The following SLC14A2 variants were observed in gnomAD, a reference collection of about 807,000 sequenced individuals.
The protein encoded by SLC14A2 is urea transporter 2.
SLC14A2 carries 91 observed loss-of-function variants against 104.6 expected under a neutral mutation model. The observed-to-expected ratio is 0.87, with a 90% CI of 0.73 to 1.04. The LOEUF (loss-of-function observed/expected upper bound fraction) is 1.04, where lower values mean the gene tolerates loss of function less well. SLC14A2 is among the 50% of genes least tolerant of loss of function. The pLI is 0.00. For missense variants in SLC14A2, 1,189 were observed against 1,156.0 expected, an observed-to-expected ratio of 1.03 and a Z score of -0.41; for synonymous variants, 476 against 466.4, an observed-to-expected ratio of 1.02 and a Z score of -0.27.
intron 2 of SLC14A2, among the ~76,000 whole-genome samples, chr18:45,494,123 A>G (rs2043049718): frequency 6.6e-6 from 1 of 152,188 alleles, no homozygotes; most frequent in Non-Finnish European, 1.5e-5. Flanking sequence ...GTGGCGGTAT[A>G]GGAAGGGTGA....
intron 1 of SLC14A2, among the ~76,000 whole-genome samples, chr18:45,428,467 G>A (rs2086466580): frequency 6.6e-6 from 1 of 152,152 alleles, no homozygotes; most frequent in South Asian, 2.1e-4. Context: ...AAGTGTGGAG[G>A]AGAGAGGGTG....
intron 1 of SLC14A2, among the ~76,000 whole-genome samples, chr18:45,256,386 A>G (rs1210236186): frequency 6.6e-6 from 1 of 152,200 alleles, no homozygotes; most frequent in Non-Finnish European, 1.5e-5. Flanking sequence ...ATCTCTTTGA[A>G]TTCCACTGAA....
chr18:45,628,005 A>G (rs1599084995), intron 4 of SLC14A2, among the ~76,000 whole-genome samples: 2 of 128,332 alleles, frequency 1.6e-5, no homozygotes, highest in African/African-American at 2.6e-5. Context: ...TTTCTCAAAA[A>G]AAAAAAAAAA....
intron 1 of SLC14A2, among the ~76,000 whole-genome samples, chr18:45,317,643 C>T (rs1410962797): frequency 6.6e-6 from 1 of 152,126 alleles, no homozygotes; most frequent in Non-Finnish European, 1.5e-5. Flanking sequence ...GTCAGAGCCC[C>T]GAGGCAGGAA....
intron 1 of SLC14A2, among the ~76,000 whole-genome samples, chr18:45,214,881 T>C (rs971223184): frequency 2.2e-5 from 3 of 138,406 alleles, no homozygotes; most frequent in Admixed American, 7.7e-5. Context: ...ACCCCTACCC[T>C]GCAGGGTTTT....
At chr18:45,493,496 T>C (rs1472352828) in intron 2 of SLC14A2, among the ~76,000 whole-genome samples, 1 of 152,246 alleles carries the variant, frequency 6.6e-6, no homozygotes, top group Non-Finnish European at 1.5e-5. Flanking sequence ...TATCTAATAC[T>C]AACCCACTGT....
chr18:45,242,692 G>T (rs990735179), intron 1 of SLC14A2, among the ~76,000 whole-genome samples: 1 of 152,154 alleles, frequency 6.6e-6, no homozygotes, highest in Non-Finnish European at 1.5e-5. Context: ...ATCTAAAATT[G>T]TAAAGAAATA....
At chr18:45,475,579 T>C (rs1424584501) in intron 1 of SLC14A2, among the ~76,000 whole-genome samples, 1 of 143,762 alleles carries the variant, frequency 7.0e-6, no homozygotes, top group African/African-American at 2.5e-5. Flanking sequence ...ATATTTAGGA[T>C]ATAGATATAG....
At chr18:45,647,997 G>T (rs1415525896) in intron 10 of SLC14A2, 3 of 151,762 alleles carry the variant, frequency 2.0e-5, no homozygotes, top group African/African-American at 7.2e-5. Flanking sequence ...TTATTTTTTT[G>T]TATATGGGGT....
intron 1 of SLC14A2, among the ~76,000 whole-genome samples, chr18:45,479,022 C>T (rs2087442761): frequency 6.6e-6 from 1 of 152,218 alleles, no homozygotes; most frequent in South Asian, 2.1e-4. Flanking sequence ...GCTCTGCGAG[C>T]TTTGCTTGAG....
chr18:45,298,000 T>G (rs762183070), intron 1 of SLC14A2, among the ~76,000 whole-genome samples: 5 of 152,234 alleles, frequency 3.3e-5, no homozygotes, highest in Non-Finnish European at 5.9e-5. Flanking sequence ...TTAAACTTTA[T>G]GCCTGTGTCT....
At position 45,668,392 on chromosome 18, in the gene SLC14A2, G is replaced by C; in HGVS notation, c.1951G>C (p.Val651Leu). 1 of 1,614,166 alleles carries C rather than the reference G, an allele frequency of 6.2e-7. No individual in the cohort carries two copies. Among genetic ancestry groups the C allele is most frequent in the Non-Finnish European group, 8.5e-7 (1 of 1,180,022 alleles). Residue 651 changes from valine (V) to leucine (L), a missense_variant, in exon 15 of 20, where the codon GTG becomes CTG. By Grantham distance (32) the Val-to-Leu change is conservative. Coordinates refer to ENST00000255226, the MANE Select transcript of SLC14A2 (RefSeq NM_007163.4). Reference protein sequence around the residue: ...AGFHGYNGVLVGLLMAVFSDK... With the variant: ...AGFHGYNGVLLGLLMAVFSDK... ...ATTTCACGGCTACAATGGGGTGCTG[G>C]TGGGGCTGCTGATGGCCGTGTTCTC...
chr18:45,526,664 A>T (rs2043597014), intron 2 of SLC14A2, among the ~76,000 whole-genome samples: 1 of 152,152 alleles, frequency 6.6e-6, no homozygotes, highest in African/African-American at 2.4e-5. Flanking sequence ...GAACTGAGTC[A>T]TATAGAGGGG....
intron 10 of SLC14A2, among the ~76,000 whole-genome samples, chr18:45,650,948 G>A (rs988090295): frequency 5.3e-5 from 8 of 151,750 alleles, no homozygotes; most frequent in South Asian, 2.1e-4. Flanking sequence ...CATGTTGGCC[G>A]GGCTGGTCTT....
chr18:45,583,819 C>T (rs2044531488), intron 2 of SLC14A2, among the ~76,000 whole-genome samples: 2 of 152,116 alleles, frequency 1.3e-5, no homozygotes, highest in African/African-American at 4.8e-5. Context: ...ACCATCCTGA[C>T]CTCACTAAAC....
intron 1 of SLC14A2, among the ~76,000 whole-genome samples, chr18:45,396,217 T>C (rs566796806): frequency 2.0e-4 from 31 of 152,210 alleles, no homozygotes; most frequent in Non-Finnish European, 2.4e-4. Context: ...ATCTTTGTCA[T>C]ATACTGAGAC....
chr18:45,263,264 G>A (rs2084557982), intron 1 of SLC14A2, among the ~76,000 whole-genome samples: 1 of 152,122 alleles, frequency 6.6e-6, no homozygotes, highest in Non-Finnish European at 1.5e-5. Context: ...TCTCGTGATT[G>A]GATTGTGGTT....
chr18:45,321,587 G>A (rs898264944), intron 1 of SLC14A2, among the ~76,000 whole-genome samples: 2 of 152,168 alleles, frequency 1.3e-5, no homozygotes, highest in African/African-American at 4.8e-5. Context: ...TCTGTGTTCT[G>A]AGGGAAAGAC....
intron 1 of SLC14A2, among the ~76,000 whole-genome samples, chr18:45,278,203 G>A (rs1347068538): frequency 6.6e-6 from 1 of 152,168 alleles, no homozygotes; most frequent in Non-Finnish European, 1.5e-5. Flanking sequence ...GGGGTTTTCT[G>A]ATATTTATTC....
Sources: gnomAD v4.1 joint callset for allele counts (sites outside exome capture counted in the v4.1 genomes callset) on GRCh38, gnomAD v4.1.1 for gene constraint, MANE v1.5 for transcripts, NCBI Gene and HGNC (gene_info 2026-07-23, HGNC 2026-07-21) for gene names.